ADAM10: variants seen among roughly 807,000 people sequenced by gnomAD.
The protein encoded by ADAM10 is ADAM metallopeptidase domain 10.
In ADAM10, 17 loss-of-function variants were observed where a neutral mutation model predicts 90.1. That is an observed-to-expected ratio of 0.19 (90% CI 0.13 to 0.28). ADAM10 has a LOEUF of 0.28. ADAM10 is among the 10% of genes least tolerant of loss of function. ADAM10 has a pLI of 1.00. For synonymous variants in ADAM10, 310 were observed against 298.6 expected (o/e 1.04, Z -0.40); for missense variants, 610 against 914.3 (o/e 0.67, Z 4.29).
intron 5 of ADAM10, among the ~76,000 whole-genome samples, chr15:58,653,516 T>A (rs1234093833): frequency 6.6e-6 from 1 of 152,224 alleles, no homozygotes; most frequent in Non-Finnish European, 1.5e-5. Context: ...TGTATCACAC[T>A]GACTGATTTG....
chr15:58,699,675 G>C (rs1217367398), intron 2 of ADAM10, among the ~76,000 whole-genome samples: 1 of 152,092 alleles, frequency 6.6e-6, no homozygotes, highest in African/African-American at 2.4e-5. Context: ...GAAGGGCTGA[G>C]GTGGGAGGAT....
At chr15:58,646,398 AG>A (rs1403366572) in intron 5 of ADAM10, among the ~76,000 whole-genome samples, 194 bp from the exon 6 acceptor site, 1 of 152,200 alleles carries the variant, frequency 6.6e-6, no homozygotes, top group Non-Finnish European at 1.5e-5. Context: ...TATCTATTCA[AG>A]GAACTCCTTC....
intron 15 of ADAM10, among the ~76,000 whole-genome samples, chr15:58,598,011 C>T (rs562200654): frequency 6.6e-5 from 10 of 152,200 alleles, no homozygotes; most frequent in African/African-American, 2.4e-4. Flanking sequence ...TCAGCAGCCA[C>T]AAGTATTAGA....
intron 1 of ADAM10, among the ~76,000 whole-genome samples, chr15:58,718,410 G>A (rs1186918218): frequency 6.6e-6 from 1 of 151,896 alleles, no homozygotes; most frequent in Non-Finnish European, 1.5e-5. Context: ...CTGTGTTCAG[G>A]GTATATACCG....
chr15:58,737,807 A>C (rs1899479651), intron 1 of ADAM10, among the ~76,000 whole-genome samples: 1 of 152,190 alleles, frequency 6.6e-6, no homozygotes, highest in Non-Finnish European at 1.5e-5. Flanking sequence ...TACTAAATTA[A>C]AGAATTGTGC....
rs1894851922 is a variant in ADAM10 at position 58,592,797 on chromosome 15, A to ACGTAC, written c.*4749_*4750insGTACG. 6.6e-6 allele frequency: 1 copy of ACGTAC among 150,632 alleles called. No homozygotes were observed. Among genetic ancestry groups the ACGTAC allele is most frequent in the African/African-American group, 2.4e-5 (1 of 41,226 alleles). The allele number at this position is 150,632 out of a possible 1,614,324, so 9.3% of individuals were successfully genotyped here. ...TTAAATCGTGGTAGTATAACTTGGT[A>ACGTAC]CATCTATCTGGGAGACAGTACCATA... is the stretch of plus-strand genomic sequence containing the variant. On this transcript the variant is annotated 3_prime_UTR_variant, in exon 16 of 16. Coordinates refer to ENST00000260408, the MANE Select transcript of ADAM10 (RefSeq NM_001110.4).
At chr15:58,663,633 A>T (rs1177622685) in intron 5 of ADAM10, among the ~76,000 whole-genome samples, 1 of 152,158 alleles carries the variant, frequency 6.6e-6, no homozygotes, top group Non-Finnish European at 1.5e-5. Flanking sequence ...TGAATCTACA[A>T]ATCAATAAAG....
At chr15:58,655,739 AT>A (rs1896811718) in intron 5 of ADAM10, among the ~76,000 whole-genome samples, 1 of 80,548 alleles carries the variant, frequency 1.2e-5, no homozygotes, top group Non-Finnish European at 2.4e-5. Flanking sequence ...ATATATATAT[AT>A]TCTTTTTTTT....
In ADAM10 at chr15:58,682,244, T is replaced by G; in HGVS notation, c.277A>C (p.Lys93Gln). 1 of 1,613,176 alleles carries G rather than the reference T, an allele frequency of 6.2e-7. No homozygotes were observed. Among genetic ancestry groups the G allele is most frequent in the Non-Finnish European group, 8.5e-7 (1 of 1,179,536 alleles). ...TGAGAGGTATCATAATCAAGTACTT[T>G]ATTTGATGTTTCTACTTTAAATTCA... ...SDEFKVETSNKVLDYDTSHIY... is the reference protein window; with the variant it reads ...SDEFKVETSNQVLDYDTSHIY... Residue 93 changes from lysine to glutamine, a missense_variant, in exon 3 of 16, where the codon AAA (lysine) becomes CAA (glutamine). Coordinates refer to ENST00000260408, the MANE Select transcript of ADAM10 (RefSeq NM_001110.4).
intron 2 of ADAM10, among the ~76,000 whole-genome samples, chr15:58,712,357 C>CA (rs1213314894): frequency 8.7e-5 from 13 of 148,858 alleles, no homozygotes; most frequent in Admixed American, 1.3e-4. Context: ...CCATTTCTAC[C>CA]AAAAAAAAAT....
At chr15:58,686,308 C>T (rs1897600641) in intron 2 of ADAM10, 2 of 596,962 alleles carry the variant, frequency 3.4e-6, no homozygotes, top group Non-Finnish European at 3.0e-6. Context: ...AAAGCCACTC[C>T]TTGGAAATAG....
Position 58,648,070 on chromosome 15 carries a change from C to T in ADAM10, c.586-1866G>A, listed in dbSNP as rs368760221. Among the ~76,000 whole-genome samples the T allele has an allele frequency of 1.3e-4, 20 of 152,082 alleles. No homozygotes were observed. The South Asian group carries it at 4.1e-3, about 32-fold the overall frequency. ...TGAAAAATTTGTATTATATGCCAAA[C>T]ACACAAAAAAGGGTAACTATGTGAA... On this transcript the variant is annotated intron_variant, in intron 5 of 15. Coordinates refer to ENST00000260408, the MANE Select transcript of ADAM10 (RefSeq NM_001110.4).
intron 14 of ADAM10, among the ~76,000 whole-genome samples, chr15:58,603,475 T>C (rs1375375598): frequency 6.6e-6 from 1 of 151,886 alleles, no homozygotes; most frequent in African/African-American, 2.4e-5. Flanking sequence ...GGCTTAAGAG[T>C]TTTCCTACTA....
chr15:58,717,746 A>G lies in ADAM10; in HGVS notation c.56-19T>C. ...TACTGACCTATAAAAAAAAAACAAC[A>G]TTCTGAATTAGTATCATCTTGAAGA... On this transcript the variant is annotated intron_variant, in intron 1 of 15. Transcript: ENST00000260408. The G allele has an allele frequency of 6.2e-7, 1 of 1,605,720 alleles. No individual in the cohort carries two copies. The highest frequency in any genetic ancestry group is 8.5e-7 in the Non-Finnish European group (1 of 1,176,964).
intron 8 of ADAM10, among the ~76,000 whole-genome samples, chr15:58,636,031 C>T (rs1218410065): frequency 6.6e-6 from 1 of 152,126 alleles, no homozygotes; most frequent in Non-Finnish European, 1.5e-5. Flanking sequence ...AATCCCAACA[C>T]TTTGGGTGGC....
At chr15:58,653,550 C>A (rs1177753045) in intron 5 of ADAM10, among the ~76,000 whole-genome samples, 1 of 152,096 alleles carries the variant, frequency 6.6e-6, no homozygotes, top group East Asian at 1.9e-4. Context: ...ATTCTTGCAT[C>A]CCTGGGATAA....
chr15:58,724,291 T>C (rs1447009746), intron 1 of ADAM10, among the ~76,000 whole-genome samples: 2 of 152,056 alleles, frequency 1.3e-5, no homozygotes, highest in East Asian at 1.9e-4. Flanking sequence ...AAGGGTAAAA[T>C]GACACGATGT....
chr15:58,627,627 C>T lies in ADAM10; in HGVS notation c.1360+73G>A, dbSNP rs114821713. The stretch of plus-strand genomic sequence containing the variant: ...TGCAGGTGGTGGGTATGTCAGTAAT[C>T]ACTATAGAATTCTTTCAAGTTGTCT... On this transcript the variant is annotated intron_variant, in intron 10 of 15. Coordinates refer to ENST00000260408, the MANE Select transcript of ADAM10 (RefSeq NM_001110.4). The T allele has an allele frequency of 1.2e-3, 1,618 of 1,355,292 alleles. 25 individuals carry two copies. The African/African-American group carries it at 0.021, about 17-fold the overall frequency. The allele number at this position is 1,355,292 out of a possible 1,614,324, so 84.0% of individuals were successfully genotyped here. A position where few individuals can be genotyped will look rare whatever the true frequency, so the allele number is the denominator to read the frequency against.
chr15:58,683,635 G>A (rs546883635), intron 2 of ADAM10, among the ~76,000 whole-genome samples: 1 of 152,242 alleles, frequency 6.6e-6, no homozygotes, highest in Admixed American at 6.5e-5. Flanking sequence ...GCTGAGGCAG[G>A]TGGATCATCT....
Sources: gnomAD v4.1 joint callset for allele counts (sites outside exome capture counted in the v4.1 genomes callset) on GRCh38, gnomAD v4.1.1 for gene constraint, MANE v1.5 for transcripts, NCBI Gene and HGNC (gene_info 2026-07-23, HGNC 2026-07-21) for gene names.